The following RNF220 variants were observed in gnomAD, a reference collection of about 807,000 sequenced individuals.
RNF220 encodes the protein E3 ubiquitin-protein ligase RNF220.
RNF220 carries 7 observed loss-of-function variants against 67.1 expected under a neutral mutation model. The observed-to-expected ratio is 0.10, with a 90% CI of 0.06 to 0.20. The LOEUF (loss-of-function observed/expected upper bound fraction) is 0.20, where lower values mean the gene tolerates loss of function less well. Among genes scored for constraint, RNF220 ranks in the 10% least tolerant of loss-of-function variants. The pLI is 1.00. For synonymous variants in RNF220, 270 were observed against 283.2 expected (o/e 0.95, Z 0.47); for missense variants, 565 against 740.3 (o/e 0.76, Z 2.75).
intron 2 of RNF220, among the ~76,000 whole-genome samples, chr1:44,444,307 C>T (rs538625782): frequency 2.0e-5 from 3 of 152,242 alleles, no homozygotes; most frequent in African/African-American, 4.8e-5. Flanking sequence ...TGAGAGAGAT[C>T]ATGTTTTTTT....
chr1:44,635,633 G>A (rs1644303678), intron 7 of RNF220, 45 bp downstream of exon 7: 2 of 1,614,086 alleles, frequency 1.2e-6, no homozygotes, highest in African/African-American at 1.3e-5. Flanking sequence ...CGGAGCAGGA[G>A]ATGAGTAGGC....
intron 2 of RNF220, among the ~76,000 whole-genome samples, chr1:44,598,205 C>G (rs924873076): frequency 1.3e-5 from 2 of 152,118 alleles, no homozygotes; most frequent in African/African-American, 4.8e-5. Context: ...CCAGAGTCCT[C>G]AGTTATTCTG....
chr1:44,513,077 C>A (rs1056314518), intron 2 of RNF220, among the ~76,000 whole-genome samples: 27 of 152,332 alleles, frequency 1.8e-4, no homozygotes, highest in African/African-American at 5.8e-4. Flanking sequence ...TGCAGCCAAT[C>A]CCTTAAGGGA....
At chr1:44,535,665 C>T (rs1661163526) in intron 2 of RNF220, among the ~76,000 whole-genome samples, 1 of 152,212 alleles carries the variant, frequency 6.6e-6, no homozygotes, top group African/African-American at 2.4e-5. Context: ...ATCAGTCCTT[C>T]GATACACCAG....
At chr1:44,485,587 C>T (rs186660157) in intron 2 of RNF220, among the ~76,000 whole-genome samples, 13 of 152,266 alleles carry the variant, frequency 8.5e-5, no homozygotes, top group Admixed American at 8.5e-4. Flanking sequence ...GTCAGGCAGC[C>T]GCTGGAGCCA....
At chr1:44,554,408 C>G (rs270770) in intron 2 of RNF220, among the ~76,000 whole-genome samples, 3 of 151,966 alleles carry the variant, frequency 2.0e-5, no homozygotes, top group Non-Finnish European at 4.4e-5. Context: ...TGTCTTACTC[C>G]CCTAGCCTAG....
intron 2 of RNF220, among the ~76,000 whole-genome samples, chr1:44,495,989 G>A (rs1393514744): frequency 6.6e-6 from 1 of 152,224 alleles, no homozygotes; most frequent in Non-Finnish European, 1.5e-5. Flanking sequence ...GTCAGTTCGT[G>A]CAGGGCTTTT....
At chr1:44,442,653 T>TA (rs1651685727) in intron 2 of RNF220, among the ~76,000 whole-genome samples, 1 of 151,986 alleles carries the variant, frequency 6.6e-6, no homozygotes, top group Non-Finnish European at 1.5e-5. Context: ...TAGCTGGAGT[T>TA]ACCGGCGTGC....
intron 2 of RNF220, among the ~76,000 whole-genome samples, chr1:44,462,454 A>G (rs1243706596): frequency 6.6e-6 from 1 of 152,216 alleles, no homozygotes; most frequent in East Asian, 1.9e-4. Flanking sequence ...ATAAAGTCTG[A>G]GAATATTAAG....
intron 2 of RNF220, among the ~76,000 whole-genome samples, chr1:44,589,261 C>T (rs1272840854): frequency 2.0e-5 from 3 of 152,182 alleles, no homozygotes; most frequent in Non-Finnish European, 4.4e-5. Flanking sequence ...TGACCTTCGG[C>T]AAGTCACCAT....
chr1:44,609,509 GC>G (rs1278672039), intron 2 of RNF220, among the ~76,000 whole-genome samples: 1 of 152,116 alleles, frequency 6.6e-6, no homozygotes, highest in African/African-American at 2.4e-5. Flanking sequence ...TGAACAAGAC[GC>G]CCGACCTCTA....
chr1:44,539,544 A>C (rs1558024310), intron 2 of RNF220, among the ~76,000 whole-genome samples: 1 of 152,190 alleles, frequency 6.6e-6, no homozygotes, highest in Non-Finnish European at 1.5e-5. Flanking sequence ...ATCATAATGC[A>C]ATGTAATGAG....
chr1:44,560,612 A>C (rs1029755086), intron 2 of RNF220, among the ~76,000 whole-genome samples: 2 of 152,156 alleles, frequency 1.3e-5, no homozygotes, highest in Non-Finnish European at 2.9e-5. Context: ...CCCAGGCTGG[A>C]GTGCAATGAG....
At chr1:44,486,772 C>T (rs147493071) in intron 2 of RNF220, among the ~76,000 whole-genome samples, 157 of 152,230 alleles carry the variant, frequency 1.0e-3, no homozygotes, top group Admixed American at 3.1e-3. Context: ...ATCTTAGCTC[C>T]ACCACCACCT....
In RNF220 at chr1:44,471,752, A is replaced by T. The variant is rs146828888; in HGVS notation, c.625+59030A>T. Among the ~76,000 whole-genome samples, 328 of 152,128 alleles carry T rather than the reference A, an allele frequency of 2.2e-3. 3 individuals carry two copies. The highest frequency in any genetic ancestry group is 7.5e-3 in the African/African-American group (311 of 41,506). ...GGCAGGAGGATCACTTGAGCCCGGG[A>T]GGCAGAGGCTGCGGTGAGCCGAGAT... On this transcript the variant is annotated intron_variant, in intron 2 of 14. Coordinates refer to ENST00000361799, the MANE Select transcript of RNF220 (RefSeq NM_018150.4).
At chr1:44,545,426 GC>G (rs1279940284) in intron 2 of RNF220, 1 of 154,220 alleles carries the variant, frequency 6.5e-6, no homozygotes, top group African/African-American at 2.4e-5. Context: ...CAGGCACTCA[GC>G]AAGGCAGTTC....
At chr1:44,552,168 T>A (rs977838929) in intron 2 of RNF220, among the ~76,000 whole-genome samples, 1 of 152,150 alleles carries the variant, frequency 6.6e-6, no homozygotes, top group African/African-American at 2.4e-5. Context: ...GCAGGAAAAC[T>A]CCAGATCCTC....
chr1:44,639,132 A>G (rs1242854681), intron 8 of RNF220, among the ~76,000 whole-genome samples: 1 of 152,214 alleles, frequency 6.6e-6, no homozygotes, highest in Admixed American at 6.5e-5. Context: ...GGGCAGAGCA[A>G]GGGGCTTCTA....
intron 2 of RNF220, among the ~76,000 whole-genome samples, chr1:44,584,384 C>G (rs1665542912): frequency 6.6e-6 from 1 of 152,228 alleles, no homozygotes; most frequent in African/African-American, 2.4e-5. Flanking sequence ...TTGTCAAATT[C>G]CAAAGCAAGT....
Sources: gnomAD v4.1 joint callset for allele counts (sites outside exome capture counted in the v4.1 genomes callset) on GRCh38, gnomAD v4.1.1 for gene constraint, MANE v1.5 for transcripts, NCBI Gene and HGNC (gene_info 2026-07-23, HGNC 2026-07-21) for gene names.